The following IL1RAPL1 variants were observed in gnomAD, a reference collection of about 807,000 sequenced individuals.
The protein encoded by IL1RAPL1 is interleukin 1 receptor accessory protein like 1.
A neutral mutation model predicts 48.4 loss-of-function variants in IL1RAPL1; 3 were observed. That is an observed-to-expected ratio of 0.06 (90% CI 0.03 to 0.16). The LOEUF (loss-of-function observed/expected upper bound fraction) is 0.16, where lower values mean the gene tolerates loss of function less well. Among genes scored for constraint, IL1RAPL1 ranks in the 10% least tolerant of loss-of-function variants. The probability of loss-of-function intolerance (pLI) is 1.00; values close to 1 mark genes in which losing one functional copy is unlikely to be tolerated. For synonymous variants in IL1RAPL1, 185 were observed against 187.7 expected (o/e 0.99, Z 0.12); for missense variants, 349 against 530.6 (o/e 0.66, Z 3.36).
intron 6 of IL1RAPL1, among the ~76,000 whole-genome samples, chrX:29,803,051 G>A (rs867991222): frequency 3.7e-5 from 2 of 53,760 alleles, no homozygotes; most frequent in Admixed American, 2.0e-4. Context: ...ACATATATGT[G>A]TACATATATA....
intron 6 of IL1RAPL1, among the ~76,000 whole-genome samples, chrX:29,695,061 A>G (rs1047146109): frequency 2.7e-5 from 3 of 112,084 alleles, no homozygotes; most frequent in Non-Finnish European, 5.6e-5. Flanking sequence ...AAGTGGTTAC[A>G]ATGAAGAAAT....
intron 1 of IL1RAPL1, among the ~76,000 whole-genome samples, chrX:28,687,761 G>A (rs1190054208): frequency 1.9e-5 from 2 of 104,786 alleles, no homozygotes; most frequent in East Asian, 6.0e-4. Context: ...CAGCCTGGGC[G>A]ACAGAGCGAG....
At chrX:29,707,931 C>CT (rs1394386363) in intron 6 of IL1RAPL1, among the ~76,000 whole-genome samples, 1 of 106,638 alleles carries the variant, frequency 9.4e-6, no homozygotes, top group Non-Finnish European at 1.9e-5. Flanking sequence ...CCCCAGAAAC[C>CT]TATTGAAATA....
intron 1 of IL1RAPL1, among the ~76,000 whole-genome samples, chrX:28,781,615 C>T (rs1028644043): frequency 1.8e-5 from 2 of 110,577 alleles, no homozygotes; most frequent in African/African-American, 6.6e-5. Flanking sequence ...TATAATATAA[C>T]CTAATCATGG....
intron 3 of IL1RAPL1, among the ~76,000 whole-genome samples, chrX:29,324,947 AGAAT>A (rs1477749916): frequency 8.9e-6 from 1 of 112,187 alleles, no homozygotes; most frequent in Non-Finnish European, 1.9e-5. Context: ...TTCAATAGAT[AGAAT>A]ATCTTACAAT....
At chrX:28,690,849 A>G (rs1935169657) in intron 1 of IL1RAPL1, among the ~76,000 whole-genome samples, 1 of 110,871 alleles carries the variant, frequency 9.0e-6, no homozygotes, top group South Asian at 3.8e-4. Context: ...AAAACCCACA[A>G]CCTTTACAAT....
chrX:29,535,770 A>G (rs1921211310), intron 5 of IL1RAPL1, among the ~76,000 whole-genome samples: 1 of 112,307 alleles, frequency 8.9e-6, no homozygotes, highest in Non-Finnish European at 1.9e-5. Flanking sequence ...AGAACAGTAG[A>G]AAATTATCTT....
chrX:28,910,521 G>A (rs1255767173), intron 2 of IL1RAPL1, among the ~76,000 whole-genome samples: 1 of 109,216 alleles, frequency 9.2e-6, no homozygotes, highest in Non-Finnish European at 1.9e-5. Context: ...ACTGTCATCA[G>A]TGTTAGGTTC....
chrX:29,795,986 G>A (rs1929734237), intron 6 of IL1RAPL1, among the ~76,000 whole-genome samples: 1 of 112,425 alleles, frequency 8.9e-6, no homozygotes. Flanking sequence ...AATCCAGCTA[G>A]AGAGATACAT....
At chrX:29,518,583 AT>A (rs1935471503) in intron 5 of IL1RAPL1, among the ~76,000 whole-genome samples, 2 of 111,764 alleles carry the variant, frequency 1.8e-5, no homozygotes, top group African/African-American at 6.5e-5. Context: ...ATCTAGGTCA[AT>A]GAAACCAGCC....
chrX:29,890,011 G>GCTAT (rs1665020444), intron 6 of IL1RAPL1, among the ~76,000 whole-genome samples: 2 of 110,791 alleles, frequency 1.8e-5, no homozygotes, highest in South Asian at 7.6e-4. Flanking sequence ...CAATGTAGTA[G>GCTAT]CTATCTTCAA....
At chrX:29,567,955 T>A (rs1250633909) in intron 5 of IL1RAPL1, among the ~76,000 whole-genome samples, 1 of 110,595 alleles carries the variant, frequency 9.0e-6, no homozygotes, top group Non-Finnish European at 1.9e-5. Flanking sequence ...AACATTTTTA[T>A]ACAAATGCAC....
At chrX:29,688,719 C>T (rs1926693021) in intron 6 of IL1RAPL1, among the ~76,000 whole-genome samples, 1 of 95,439 alleles carries the variant, frequency 1.0e-5, no homozygotes, top group East Asian at 3.4e-4. Context: ...CAATAATTAT[C>T]AGGGTTGCTT....
chrX:29,309,993 C>CT (rs1250877534), intron 3 of IL1RAPL1, among the ~76,000 whole-genome samples: 1 of 101,307 alleles, frequency 9.9e-6, no homozygotes, highest in Non-Finnish European at 2.0e-5. Context: ...ACTCGGGAGG[C>CT]TGAGGCAGGA....
intron 1 of IL1RAPL1, among the ~76,000 whole-genome samples, chrX:28,611,187 T>A (rs1934143034): frequency 9.0e-6 from 1 of 111,681 alleles, no homozygotes; most frequent in Non-Finnish European, 1.9e-5. Flanking sequence ...AAAGAGCAAA[T>A]CAGTATCTTA....
intron 5 of IL1RAPL1, among the ~76,000 whole-genome samples, chrX:29,479,431 A>AAAAAAAT (rs1384814024): frequency 2.8e-5 from 3 of 105,868 alleles, no homozygotes; most frequent in African/African-American, 1.0e-4. Flanking sequence ...AAAAAAAAAA[A>AAAAAAAT]TTAGCATTGT....
intron 3 of IL1RAPL1, among the ~76,000 whole-genome samples, chrX:29,348,378 C>A (rs1352971169): frequency 2.7e-5 from 3 of 111,689 alleles, no homozygotes; most frequent in African/African-American, 9.8e-5. Flanking sequence ...GGATGTTGCA[C>A]CTATAATTGT....
intron 2 of IL1RAPL1, among the ~76,000 whole-genome samples, chrX:29,263,866 C>T (rs759454984): frequency 5.1e-5 from 5 of 98,729 alleles, no homozygotes; most frequent in Non-Finnish European, 8.1e-5. Flanking sequence ...TCTCTCCCCC[C>T]CCCCCGCTCT....
At chrX:29,846,248 G>A (rs969817836) in intron 6 of IL1RAPL1, among the ~76,000 whole-genome samples, 1 of 111,323 alleles carries the variant, frequency 9.0e-6, no homozygotes, top group Non-Finnish European at 1.9e-5. Context: ...ACTGCAGAAT[G>A]AGGATCCTAC....
Sources: allele counts gnomAD v4.1 joint callset (sites outside exome capture counted in the v4.1 genomes callset), GRCh38; gene constraint gnomAD v4.1.1; transcripts MANE v1.5; gene names NCBI Gene and HGNC (gene_info 2026-07-23, HGNC 2026-07-21).